Variants in TCEA1 observed in about 807,000 individuals in gnomAD.
TCEA1 encodes the protein transcription elongation factor A protein 1.
In TCEA1, 21 loss-of-function variants were observed where a neutral mutation model predicts 43.8. That is an observed-to-expected ratio of 0.48 (90% confidence interval 0.34 to 0.69). The LOEUF (loss-of-function observed/expected upper bound fraction) is 0.69. Ranked by LOEUF, TCEA1 falls within the 30% of genes least tolerant of loss-of-function variation. The pLI, the probability that TCEA1 is intolerant of heterozygous loss-of-function variation, is 0.01. For synonymous variants in TCEA1, 104 were observed against 117.5 expected (o/e 0.88, Z 0.75); for missense variants, 250 against 365.1 (o/e 0.68, Z 2.57).
rs111638949 is a variant in TCEA1 at position 54,013,703 on chromosome 8, C to A, written c.64-3211G>T. Reference sequence around the variant, plus strand: ...CTCAAAAAAAAAAAAAAAAAAAAAACAAAAAACAGACAAACAAAAAGAAAT... The same window carrying A: ...CTCAAAAAAAAAAAAAAAAAAAAAAAAAAAAACAGACAAACAAAAAGAAAT... On this transcript the variant is annotated intron_variant, in intron 1 of 9. Transcript: ENST00000521604. 9.5e-3 allele frequency among the ~76,000 whole-genome samples: 893 copies of A among 93,626 alleles called. 14 individuals are homozygous for A. Among genetic ancestry groups the A allele is most frequent in the East Asian group, 0.077 (236 of 3,076 alleles). The allele number at this position is 93,626 out of a possible 152,430, so 61.4% of individuals were successfully genotyped here.
intron 2 of TCEA1, among the ~76,000 whole-genome samples, chr8:54,006,752 TAGAC>T (rs1338992134): frequency 2.6e-5 from 4 of 152,212 alleles, no homozygotes; most frequent in Admixed American, 1.3e-4. Context: ...TGCTGATCAT[TAGAC>T]AGAAACCTGA....
chr8:54,009,107 C>T (rs950722430), intron 2 of TCEA1, among the ~76,000 whole-genome samples: 3 of 151,784 alleles, frequency 2.0e-5, no homozygotes, highest in African/African-American at 7.3e-5. Flanking sequence ...GCCTCAGCCT[C>T]CCAAAGTGCT....
intron 6 of TCEA1, 36 bp downstream of exon 6, chr8:53,986,932 TA>T (rs761081134): frequency 7.7e-5 from 115 of 1,490,482 alleles, no homozygotes; most frequent in African/African-American, 4.4e-4. Context: ...TATTACTTAT[TA>T]AAAAAAACAA....
chr8:53,988,356 A>T (rs1213055095), intron 4 of TCEA1, 97 bp from the exon 5 acceptor site: 5 of 1,420,720 alleles, frequency 3.5e-6, no homozygotes, highest in Non-Finnish European at 4.7e-6. Context: ...TTGGGGTCTA[A>T]ATAAATGACA....
chr8:54,004,428 A>G (rs531100310), intron 2 of TCEA1, among the ~76,000 whole-genome samples: 2 of 152,258 alleles, frequency 1.3e-5, no homozygotes, highest in Admixed American at 1.3e-4. Flanking sequence ...ATGCAACTGA[A>G]TATTATTCAG....
At chr8:53,988,603 G>A (rs1210979473) in intron 4 of TCEA1, among the ~76,000 whole-genome samples, 1 of 152,096 alleles carries the variant, frequency 6.6e-6, no homozygotes, top group Non-Finnish European at 1.5e-5. Context: ...GGGATGAAGG[G>A]ATGGGACCAG....
intron 1 of TCEA1, among the ~76,000 whole-genome samples, chr8:54,013,146 C>A (rs1804708635): frequency 6.6e-6 from 1 of 152,202 alleles, no homozygotes; most frequent in African/African-American, 2.4e-5. Context: ...TAAGTTGATT[C>A]TTCCAACATA....
chr8:54,011,115 T>G lies in TCEA1; in HGVS notation c.64-623A>C, dbSNP rs557003489. 3.3e-5 allele frequency among the ~76,000 whole-genome samples: 5 copies of G among 152,368 alleles called. No individual in the cohort carries two copies. In the South Asian group the frequency reaches 1.0e-3, roughly 32 times the overall value. On this transcript the variant is annotated intron_variant, in intron 1 of 9. Transcript: ENST00000521604. ...ACCATGCCTGGCATTATAACTTCTT[T>G]CTACTTTTGCTTATTGAAAGAATTA...
chr8:53,980,524 T>A (rs758714766), intron 7 of TCEA1, among the ~76,000 whole-genome samples: 5 of 152,206 alleles, frequency 3.3e-5, no homozygotes, highest in Non-Finnish European at 7.3e-5. Context: ...TTCACTATTA[T>A]TATATCTGTT....
At chr8:53,982,934 C>A (rs961446337) in intron 7 of TCEA1, among the ~76,000 whole-genome samples, 2 of 152,176 alleles carry the variant, frequency 1.3e-5, no homozygotes, top group Non-Finnish European at 1.5e-5. Context: ...TGGATAAATG[C>A]TATTAAACAG....
At chr8:53,987,928 T>C (rs1225967772) in intron 5 of TCEA1, among the ~76,000 whole-genome samples, 186 bp downstream of exon 5, 15 of 152,166 alleles carry the variant, frequency 9.9e-5, no homozygotes, top group Admixed American at 9.2e-4. Flanking sequence ...AATAAGCAAA[T>C]GCCCCAGTAT....
chr8:53,995,408 A>G lies in TCEA1; in HGVS notation c.233-1653T>C, dbSNP rs111893705. On this transcript the variant is annotated intron_variant, in intron 3 of 9. Coordinates refer to ENST00000521604, the MANE Select transcript of TCEA1 (RefSeq NM_006756.4). ...CAGGAACTTGAGGCTGCAATGAGCT[A>G]TAACTGCACCACTGCACTCCAGCCT... 8.9e-3 allele frequency among the ~76,000 whole-genome samples: 1,356 copies of G among 151,982 alleles called. 8 individuals carry two copies. Among genetic ancestry groups the G allele is most frequent in the Non-Finnish European group, 0.014 (955 of 67,954 alleles).
intron 8 of TCEA1, among the ~76,000 whole-genome samples, chr8:53,977,233 C>T (rs1034866630): frequency 5.9e-5 from 9 of 152,154 alleles, no homozygotes; most frequent in Admixed American, 3.9e-4. Context: ...GGCAGGAGAA[C>T]GGCGTGAACC....
chr8:53,989,067 C>CA lies in TCEA1; in HGVS notation c.321-809dup, dbSNP rs1012319832. 4.1e-3 allele frequency among the ~76,000 whole-genome samples: 556 copies of CA among 135,910 alleles called. 4 individuals are homozygous for CA. Among genetic ancestry groups the CA allele is most frequent in the African/African-American group, 0.013 (477 of 36,990 alleles). The allele number at this position is 135,910 out of a possible 152,430, so 89.2% of individuals were successfully genotyped here. ...TGGGTGACACAGCGAGACTCCACCT[C>CA]AAAAAAAAAAAAGAACAAAAAGAAA... is the stretch of plus-strand genomic sequence containing the variant. On this transcript the variant is annotated intron_variant, in intron 4 of 9. Coordinates refer to ENST00000521604, the MANE Select transcript of TCEA1 (RefSeq NM_006756.4).
At position 53,966,666 on chromosome 8, in the gene TCEA1, GA is replaced by G. The variant is rs1450522674; in HGVS notation, c.*1437del. 1 of 190,490 alleles carries G rather than the reference GA, an allele frequency of 5.2e-6. No individual in the cohort carries two copies. Among genetic ancestry groups the G allele is most frequent in the East Asian group, 8.5e-5 (1 of 11,826 alleles). The allele number at this position is 190,490 out of a possible 1,614,324, so 11.8% of individuals were successfully genotyped here. On this transcript the variant is annotated 3_prime_UTR_variant, in exon 10 of 10. Transcript: ENST00000521604. ...TATTTCAAAAATGTACTTTGTTTTTGAAATAAAACAAAATCTTCAACTATGA... is the reference window on the plus strand; with the variant it reads ...TATTTCAAAAATGTACTTTGTTTTTGAATAAAACAAAATCTTCAACTATGA...
intron 2 of TCEA1, chr8:54,003,106 A>C (rs1326991148): frequency 4.4e-6 from 2 of 456,164 alleles, no homozygotes; most frequent in East Asian, 1.4e-4. Flanking sequence ...AAGGTAAAAA[A>C]CATATAGCTA....
intron 7 of TCEA1, among the ~76,000 whole-genome samples, chr8:53,980,177 T>C (rs1034922851): frequency 2.0e-5 from 3 of 152,180 alleles, no homozygotes; most frequent in Non-Finnish European, 4.4e-5. Flanking sequence ...ATCCAGATTA[T>C]AGTTTCTAAT....
Position 54,022,413 on chromosome 8 carries a change from G to GGGCGTCGGGCTAGTGGGCA in TCEA1, c.-307_-289dup, listed in dbSNP as rs1231501669. 5 of 480,066 alleles carry GGGCGTCGGGCTAGTGGGCA rather than the reference G, an allele frequency of 1.0e-5. No homozygotes were observed. Among genetic ancestry groups the GGGCGTCGGGCTAGTGGGCA allele is most frequent in the African/African-American group, 6.2e-5 (3 of 48,244 alleles). The allele number at this position is 480,066 out of a possible 1,614,324, so 29.7% of individuals were successfully genotyped here. On this transcript the variant is annotated 5_prime_UTR_variant, in exon 1 of 10. Transcript: ENST00000521604. Reference sequence around the variant, plus strand: ...GGGCGAGCCCATGTTCCCGCCAGGCGGGCGTCGGGCTAGTGGGCAGGCGTG... The same window carrying GGGCGTCGGGCTAGTGGGCA: ...GGGCGAGCCCATGTTCCCGCCAGGCGGGCGTCGGGCTAGTGGGCAGGCGTCGGGCTAGTGGGCAGGCGTG...
chr8:54,002,152 G>A (rs1476252709), intron 2 of TCEA1, among the ~76,000 whole-genome samples: 1 of 150,466 alleles, frequency 6.6e-6, no homozygotes, highest in Admixed American at 6.7e-5. Context: ...TTCCAGCCTG[G>A]GCGACAGAGC....
Sources: gnomAD v4.1 joint callset for allele counts (sites outside exome capture counted in the v4.1 genomes callset) on GRCh38, gnomAD v4.1.1 for gene constraint, MANE v1.5 for transcripts, NCBI Gene and HGNC (gene_info 2026-07-23, HGNC 2026-07-21) for gene names.